The following SLC27A5 variants were observed in gnomAD, a reference collection of about 807,000 sequenced individuals.
SLC27A5 encodes the protein long-chain fatty acid transport protein 5.
A neutral mutation model predicts 63.1 loss-of-function variants in SLC27A5; 47 were observed. That is an observed-to-expected ratio of 0.74 (90% CI 0.59 to 0.95). The LOEUF (loss-of-function observed/expected upper bound fraction) is 0.95. SLC27A5 is among the 40% of genes least tolerant of loss of function. The pLI, the probability that SLC27A5 is intolerant of heterozygous loss-of-function variation, is 0.00. For missense variants in SLC27A5, 940 were observed against 921.0 expected (o/e 1.02, Z -0.27); for synonymous variants, 391 against 403.8 (o/e 0.97, Z 0.38).
chr19:58,502,495 A>C (rs1245450485), intron 3 of SLC27A5, among the ~76,000 whole-genome samples: 1 of 56,424 alleles, frequency 1.8e-5, no homozygotes, highest in African/African-American at 5.4e-5. Context: ...GGATGGGTGA[A>C]CAGTTACAGT....
intron 2 of SLC27A5, 159 bp from the exon 3 acceptor site, chr19:58,510,164 A>G (rs1000865703): frequency 1.6e-5 from 10 of 624,694 alleles, no homozygotes; most frequent in Non-Finnish European, 2.4e-5. Context: ...CACAGGCTGA[A>G]TTTGGACTGA....
At position 58,498,423 on chromosome 19, in the gene SLC27A5, G is replaced by T; in HGVS notation, c.*92C>A. ...GAGGTTGAGGGTATGGCCAGGCTGG[G>T]ATTCACACAGGCCCAGGATGAAAGG... is the stretch of plus-strand genomic sequence containing the variant. On this transcript the variant is annotated 3_prime_UTR_variant, in exon 10 of 10. Coordinates refer to ENST00000263093, the MANE Select transcript of SLC27A5 (RefSeq NM_012254.3). 7.5e-7 allele frequency: 1 copy of T among 1,339,160 alleles called. No homozygotes were observed. The highest frequency in any genetic ancestry group is 1.0e-6 in the Non-Finnish European group (1 of 986,948). 83.0% of individuals were successfully genotyped at this position (1,339,160 alleles called of 1,614,324 possible).
chr19:58,501,554 G>A, intron 3 of SLC27A5, 144 bp from the exon 4 acceptor site: 1 of 878,478 alleles, frequency 1.1e-6, no homozygotes, highest in Non-Finnish European at 1.7e-6. Flanking sequence ...GCCCAGCCAG[G>A]ACTGCTCTCA....
chr19:58,511,374 C>T lies in SLC27A5; in HGVS notation c.582G>A (p.Leu194=). The T allele has an allele frequency of 6.2e-7, 1 of 1,606,780 alleles. No individual in the cohort carries two copies. Among genetic ancestry groups the T allele is most frequent in the African/African-American group, 1.3e-5 (1 of 74,988 alleles). The change falls in exon 1 of 10, where the codon CTG becomes CTA. Residue 194 remains leucine, a synonymous_variant. Transcript: ENST00000263093. ...AGGCTGTTGGGCAGCCCAGCTTGGC[C>T]AGCCCCAGCCACATACACAGGGCTG... The part of the protein sequence containing the change: ...AVPALCMWLG[L]AKLGCPTAWI...
chr19:58,498,343 A>G lies in SLC27A5; in HGVS notation c.*172T>C, dbSNP rs1206075983. On this transcript the variant is annotated 3_prime_UTR_variant, in exon 10 of 10. Coordinates refer to ENST00000263093, the MANE Select transcript of SLC27A5 (RefSeq NM_012254.3). ...CGCAGACATACAGACTTCTGTGAAC[A>G]CATCTGAGTTTATTCTGCCACTGCT... 4.6e-6 allele frequency: 3 copies of G among 650,768 alleles called. No individual in the cohort carries two copies. 40.3% of individuals were successfully genotyped at this position (650,768 alleles called of 1,614,324 possible).
At chr19:58,510,104 G>T in intron 2 of SLC27A5, 99 bp from the exon 3 acceptor site, 1 of 1,248,274 alleles carries the variant, frequency 8.0e-7, no homozygotes, top group Non-Finnish European at 1.1e-6. Context: ...CCTACATTGG[G>T]GTTTGAGGCT....
At position 58,500,577 on chromosome 19, in the gene SLC27A5, T is replaced by A; in HGVS notation, c.1312A>T (p.Asn438Tyr). The change falls in exon 5 of 10, where the codon AAC becomes TAC. Residue 438 changes from asparagine (N) to tyrosine (Y), a missense_variant. Physicochemically the swap from Asn to Tyr is moderately radical, Grantham distance 143 (BLOSUM62 -2). Transcript: ENST00000263093. ...IWEVYGSTEG[N>Y]MGLVNYVGRC... ...CCCACATAGTTGACTAAGCCCATGT[T>A]GCCTTCTGTGGAGCCGTAGACTTCC... The A allele has an allele frequency of 6.2e-7, 1 of 1,614,126 alleles. No homozygotes were observed. Among genetic ancestry groups the A allele is most frequent in the Non-Finnish European group, 8.5e-7 (1 of 1,180,020 alleles).
chr19:58,506,261 G>A (rs926835287), intron 3 of SLC27A5, among the ~76,000 whole-genome samples: 5 of 151,646 alleles, frequency 3.3e-5, no homozygotes, highest in African/African-American at 7.3e-5. Context: ...GACGCCAGGC[G>A]CGGTGGTTCA....
At chr19:58,503,340 T>C (rs923066947) in intron 3 of SLC27A5, among the ~76,000 whole-genome samples, 1 of 151,736 alleles carries the variant, frequency 6.6e-6, no homozygotes, top group East Asian at 1.9e-4. Context: ...TGTATGGTTG[T>C]ATTGACGTAT....
rs1193313352 is a variant in SLC27A5 at position 58,498,534 on chromosome 19, TCA to T, written c.2052_2053del (p.Cys684Ter). 6.2e-7 allele frequency: 1 copy of T among 1,612,820 alleles called. No homozygotes were observed. The highest frequency in any genetic ancestry group is 8.5e-7 in the Non-Finnish European group (1 of 1,179,216). On this transcript the variant is annotated stop_gained and frameshift_variant, in exon 10 of 10. Coordinates refer to ENST00000263093, the MANE Select transcript of SLC27A5 (RefSeq NM_012254.3). LOFTEE classifies it high-confidence loss of function. ...AGGTGATCAGAGCCTCCAGGTTCCC[TCA>T]CACACAGCCTGGTACATTTCTGCCG... is the stretch of plus-strand genomic sequence containing the variant.
Position 58,498,619 on chromosome 19 carries a change from TCCC to T in SLC27A5, c.1966_1968del (p.Gly656del), listed in dbSNP as rs766642240. 24 of 1,613,906 alleles carry T rather than the reference TCCC, an allele frequency of 1.5e-5. No individual in the cohort carries two copies. In the African/African-American group the frequency reaches 2.8e-4, roughly 19 times the overall value. On this transcript the variant is annotated inframe_deletion, in exon 10 of 10. Coordinates refer to ENST00000263093, the MANE Select transcript of SLC27A5 (RefSeq NM_012254.3). The stretch of plus-strand genomic sequence containing the variant: ...AGTACAAACAGAGGGTCAACCACGA[TCCC>T]CACATTGAAGCCCTCACGCACCAAC...
intron 6 of SLC27A5, 71 bp downstream of exon 6, chr19:58,500,268 T>C: frequency 7.6e-7 from 1 of 1,307,468 alleles, no homozygotes. Context: ...TTTGAGCAGC[T>C]CGTTCCAGCC....
intron 2 of SLC27A5, 37 bp from the exon 3 acceptor site, chr19:58,510,042 A>G: frequency 6.2e-7 from 1 of 1,600,220 alleles, no homozygotes; most frequent in Non-Finnish European, 8.5e-7. Flanking sequence ...GGGTGGTGAC[A>G]TGACAGCACA....
Position 58,511,392 on chromosome 19 carries a change from C to T in SLC27A5, c.564G>A (p.Leu188=). Residue 188 remains leucine, a synonymous_variant, in exon 1 of 10, where the codon CTG becomes CTA. Transcript: ENST00000263093. ...GCTTGGCCAGCCCCAGCCACATACACAGGGCTGGAACGGCCTGGGAAGCCA... is the reference window on the plus strand; with the variant it reads ...GCTTGGCCAGCCCCAGCCACATACATAGGGCTGGAACGGCCTGGGAAGCCA... The part of the protein sequence containing the change: ...LVLASQAVPA[L]CMWLGLAKLG... 6.2e-7 allele frequency: 1 copy of T among 1,609,224 alleles called. No homozygotes were observed. Among genetic ancestry groups the T allele is most frequent in the Non-Finnish European group, 8.5e-7 (1 of 1,177,938 alleles).
chr19:58,506,935 A>G (rs1424457273), intron 3 of SLC27A5, among the ~76,000 whole-genome samples: 2 of 151,608 alleles, frequency 1.3e-5, no homozygotes, highest in Non-Finnish European at 2.9e-5. Context: ...GTAGAGACAG[A>G]TTTCACTATG....
chr19:58,499,887 G>A (rs888042056), intron 6 of SLC27A5, among the ~76,000 whole-genome samples, 197 bp from the exon 7 acceptor site: 8 of 152,168 alleles, frequency 5.3e-5, no homozygotes, highest in Non-Finnish European at 7.3e-5. Flanking sequence ...GAAAATGAGA[G>A]AGAAGTATAG....
Position 58,499,661 on chromosome 19 carries a change from C to A in SLC27A5, c.1498G>T (p.Val500Leu), listed in dbSNP as rs748584848. Residue 500 changes from valine to leucine, a missense_variant, in exon 7 of 10, where the codon GTA (valine) becomes TTA (leucine). Val to Leu is a conservative substitution (Grantham distance 32). Coordinates refer to ENST00000263093, the MANE Select transcript of SLC27A5 (RefSeq NM_012254.3). The part of the protein sequence containing the change: ...GEPGLLLTKV[V>L]SQQPFVGYRG... ...TAGCCCACGAAGGGTTGCTGGCTTA[C>A]CACCTTGGTCAGCAGCAGCCCCGGC... 20 of 1,612,176 alleles carry A rather than the reference C, an allele frequency of 1.2e-5. No homozygotes were observed. The highest frequency in any genetic ancestry group is 1.7e-5 in the Non-Finnish European group (20 of 1,180,032).
rs1171436805 is a variant in SLC27A5 at position 58,498,872 on chromosome 19, G to A, written c.1809C>T (p.Pro603=). 7.4e-6 allele frequency: 12 copies of A among 1,613,538 alleles called. 1 individual carries two copies. The highest frequency in any genetic ancestry group is 3.3e-4 in the Middle Eastern group (2 of 6,084). ...ACTTCTCCCCGTCGAAAGTCTGGCC[G>A]GGGGCTAGCTGCACAGCAGCCATGC... ...KVGMAAVQLA[P]GQTFDGEKLY... is the part of the protein sequence containing the mutation. The change falls in exon 9 of 10, where the codon CCC becomes CCT. Residue 603 remains proline (P), a synonymous_variant. Coordinates refer to ENST00000263093, the MANE Select transcript of SLC27A5 (RefSeq NM_012254.3).
intron 3 of SLC27A5, chr19:58,508,555 C>G (rs1020747900): frequency 1.3e-5 from 1 of 77,028 alleles, no homozygotes. Context: ...GACTCCATCT[C>G]AAAAAAAAAA....
Sources: allele counts gnomAD v4.1 joint callset (sites outside exome capture counted in the v4.1 genomes callset), GRCh38; gene constraint gnomAD v4.1.1; transcripts MANE v1.5; gene names NCBI Gene and HGNC (gene_info 2026-07-23, HGNC 2026-07-21).